Variants in ITPR2 observed in about 807,000 individuals in gnomAD.
ITPR2 encodes inositol 1,4,5-trisphosphate-gated calcium channel ITPR2.
Under a neutral mutation model 317.1 loss-of-function variants are expected in ITPR2, and 207 were observed. That is an observed-to-expected ratio of 0.65 (90% CI 0.58 to 0.73). The LOEUF is 0.73. Ranked by LOEUF, ITPR2 falls within the 30% of genes least tolerant of loss-of-function variation. The pLI is 0.00. For synonymous variants in ITPR2, 1,156 were observed against 1,149.1 expected (o/e 1.01, Z -0.12); for missense variants, 2,613 against 3,284.0 (o/e 0.80, Z 4.99).
chr12:26,769,090 C>A (rs185112521), intron 2 of ITPR2, among the ~76,000 whole-genome samples: 96 of 151,628 alleles, frequency 6.3e-4, no homozygotes, highest in Non-Finnish European at 1.1e-3. Context: ...TCCTGGGGAG[C>A]CATCACTTTC....
chr12:26,538,096 C>G (rs980682720), intron 37 of ITPR2, among the ~76,000 whole-genome samples: 4 of 152,184 alleles, frequency 2.6e-5, no homozygotes, highest in Non-Finnish European at 5.9e-5. Context: ...GAATGAGAGA[C>G]AGTATCATGT....
chr12:26,389,299 T>C (rs1939763801), intron 54 of ITPR2, among the ~76,000 whole-genome samples: 1 of 152,204 alleles, frequency 6.6e-6, no homozygotes, highest in African/African-American at 2.4e-5. Context: ...ACAAGTAGAG[T>C]TGCTAGATAA....
chr12:26,354,424 C>A (rs1368699719), intron 55 of ITPR2, among the ~76,000 whole-genome samples: 2 of 152,096 alleles, frequency 1.3e-5, no homozygotes, highest in South Asian at 4.1e-4. Flanking sequence ...GATGATGAAA[C>A]CTTAAAATTA....
At chr12:26,653,669 T>G (rs1947309648) in intron 21 of ITPR2, among the ~76,000 whole-genome samples, 1 of 152,218 alleles carries the variant, frequency 6.6e-6, no homozygotes, top group Non-Finnish European at 1.5e-5. Flanking sequence ...TTGAACCACA[T>G]GACCACAAAC....
chr12:26,681,571 T>C (rs1177922945), intron 13 of ITPR2, among the ~76,000 whole-genome samples: 1 of 152,154 alleles, frequency 6.6e-6, no homozygotes, highest in Admixed American at 6.5e-5. Context: ...TATCAAATCA[T>C]GCGCAGCAAA....
At chr12:26,592,891 T>A (rs1945742636) in intron 32 of ITPR2, among the ~76,000 whole-genome samples, 1 of 152,362 alleles carries the variant, frequency 6.6e-6, no homozygotes, top group Non-Finnish European at 1.5e-5. Context: ...GTCCTCTGGA[T>A]ACAATGATAT....
chr12:26,642,190 G>C (rs1218845866), intron 21 of ITPR2, among the ~76,000 whole-genome samples: 1 of 152,098 alleles, frequency 6.6e-6, no homozygotes, highest in African/African-American at 2.4e-5. Flanking sequence ...TTCATGTCTA[G>C]AATTTTATTA....
At chr12:26,497,137 A>G (rs1942951558) in intron 37 of ITPR2, among the ~76,000 whole-genome samples, 1 of 148,090 alleles carries the variant, frequency 6.8e-6, no homozygotes, top group African/African-American at 2.5e-5. Context: ...AAATTGAACC[A>G]TGTGATCATT....
intron 55 of ITPR2, among the ~76,000 whole-genome samples, chr12:26,350,410 T>C (rs1249627385): frequency 1.3e-5 from 2 of 152,080 alleles, no homozygotes; most frequent in East Asian, 3.9e-4. Flanking sequence ...CGAGAGGCAC[T>C]GTATGTACTA....
At chr12:26,566,493 G>A (rs1213845576) in intron 34 of ITPR2, among the ~76,000 whole-genome samples, 1 of 143,680 alleles carries the variant, frequency 7.0e-6, no homozygotes, top group African/African-American at 2.6e-5. Context: ...GGAGGGAGAG[G>A]AGGGAGAGGA....
At chr12:26,541,745 G>A (rs912850145) in intron 37 of ITPR2, among the ~76,000 whole-genome samples, 1 of 152,130 alleles carries the variant, frequency 6.6e-6, no homozygotes, top group Non-Finnish European at 1.5e-5. Context: ...TTTGATGTAG[G>A]AGTTAAGTTG....
intron 21 of ITPR2, among the ~76,000 whole-genome samples, chr12:26,634,474 C>A (rs1207470999): frequency 6.6e-6 from 1 of 152,196 alleles, no homozygotes; most frequent in Admixed American, 6.5e-5. Context: ...CTAATGCTTA[C>A]AAATTCAGCT....
Position 26,654,101 on chromosome 12 carries a change from A to G in ITPR2, c.2615T>C (p.Ile872Thr), listed in dbSNP as rs751495115. The change falls in exon 21 of 57, where the codon ATA (isoleucine) becomes ACA (threonine). Residue 872 changes from isoleucine to threonine, a missense_variant. Ile to Thr is a moderately conservative substitution (Grantham distance 89). Coordinates refer to ENST00000381340, the MANE Select transcript of ITPR2 (RefSeq NM_002223.4). ...FEVVHLARNLIYFGFYSFSEL... is the reference protein window; with the variant it reads ...FEVVHLARNLTYFGFYSFSEL... Reference sequence around the variant, plus strand: ...ACTGAAACTATAAAATCCAAAGTATATAAGATTCCGAGCCAAGTGGACCAC... The same window carrying G: ...ACTGAAACTATAAAATCCAAAGTATGTAAGATTCCGAGCCAAGTGGACCAC... 23 of 1,473,486 alleles carry G rather than the reference A, an allele frequency of 1.6e-5. No homozygotes were observed. The highest frequency in any genetic ancestry group is 2.2e-5 in the Admixed American group (1 of 45,424). The allele number at this position is 1,473,486 out of a possible 1,614,324, so 91.3% of individuals were successfully genotyped here.
In ITPR2 at chr12:26,596,933, G is replaced by A; in HGVS notation, c.4204C>T (p.Pro1402Ser). Reference protein sequence around the residue: ...YTEIKCNSLLPLDDIVRVVTH... With the variant: ...YTEIKCNSLLSLDDIVRVVTH... ...ACCACCCTCACTATGTCGTCCAGCG[G>A]GAGAAGGGAATTACACTTGATTTCA... Residue 1402 changes from proline to serine, a missense_variant, in exon 31 of 57, where the codon CCG becomes TCG. Physicochemically the swap from Pro to Ser is moderately conservative, Grantham distance 74 (BLOSUM62 -1). Around this residue, in one of 9 missense-constraint regions of ITPR2, gnomAD observed 926 missense variants for 1,072.8 expected, o/e 0.86. Transcript: ENST00000381340. 6.3e-7 allele frequency: 1 copy of A among 1,597,980 alleles called. No individual in the cohort carries two copies. The highest frequency in any genetic ancestry group is 1.7e-5 in the Admixed American group (1 of 58,918).
chr12:26,638,245 C>T (rs1343468079), intron 21 of ITPR2, among the ~76,000 whole-genome samples: 2 of 152,182 alleles, frequency 1.3e-5, no homozygotes, highest in Admixed American at 1.3e-4. Context: ...ATTTGCAAAA[C>T]TGATCTTCAA....
At chr12:26,719,462 C>G (rs1269878068) in intron 5 of ITPR2, among the ~76,000 whole-genome samples, 2 of 152,164 alleles carry the variant, frequency 1.3e-5, no homozygotes, top group East Asian at 3.9e-4. Context: ...AAGATTCAAG[C>G]TGAGATTTCG....
At position 26,336,966 on chromosome 12, in the gene ITPR2, G is replaced by A. The variant is rs935112279; in HGVS notation, c.*2431C>T. The A allele has an allele frequency of 5.0e-5, 5 of 99,508 alleles. No individual in the cohort carries two copies. Among genetic ancestry groups the A allele is most frequent in the Admixed American group, 1.2e-4 (1 of 8,504 alleles). 6.2% of individuals were successfully genotyped at this position (99,508 alleles called of 1,614,324 possible). A position where few individuals can be genotyped will look rare whatever the true frequency, so the allele number is the denominator to read the frequency against. On this transcript the variant is annotated 3_prime_UTR_variant, in exon 57 of 57. Transcript: ENST00000381340. ...GAAAAGTGCCTTTTTTGTCTGCTTC[G>A]ATTTTTTGTTGCTGTTTTTTTTTTT...
intron 16 of ITPR2, 30 bp from the exon 17 acceptor site, chr12:26,658,160 T>C (rs1408476334): frequency 1.3e-6 from 2 of 1,490,988 alleles, no homozygotes; most frequent in African/African-American, 1.4e-5. Flanking sequence ...AAATGGAATA[T>C]GAAGACAAAG....
At chr12:26,779,269 G>A (rs957952328) in intron 2 of ITPR2, among the ~76,000 whole-genome samples, 29 of 152,302 alleles carry the variant, frequency 1.9e-4, no homozygotes, top group Non-Finnish European at 3.8e-4. Context: ...CTCTCCTTTG[G>A]AGAGACAGCT....
Sources: allele counts gnomAD v4.1 joint callset (sites outside exome capture counted in the v4.1 genomes callset), GRCh38; gene constraint gnomAD v4.1.1; regional missense constraint gnomAD v4.1.1; transcripts MANE v1.5; gene names NCBI Gene and HGNC (gene_info 2026-07-23, HGNC 2026-07-21).